Variants in TRHDE observed in about 807,000 individuals in gnomAD.
The protein encoded by TRHDE is thyrotropin releasing hormone degrading enzyme.
A neutral mutation model predicts 125.7 loss-of-function variants in TRHDE; 72 were observed. That is an observed-to-expected ratio of 0.57 (90% CI 0.47 to 0.70). The LOEUF (loss-of-function observed/expected upper bound fraction) is 0.70. TRHDE is among the 30% of genes least tolerant of loss of function. The probability of loss-of-function intolerance (pLI) is 0.00; values close to 1 mark genes in which losing one functional copy is unlikely to be tolerated. For missense variants in TRHDE, 1,110 were observed against 1,327.1 expected, an observed-to-expected ratio of 0.84 and a Z score of 2.54; for synonymous variants, 509 against 509.1, an observed-to-expected ratio of 1.00 and a Z score of 0.00.
chr12:72,476,166 G>A (rs1045430584), intron 5 of TRHDE, among the ~76,000 whole-genome samples: 1 of 152,084 alleles, frequency 6.6e-6, no homozygotes, highest in African/African-American at 2.4e-5. Flanking sequence ...ATCCACCTGC[G>A]ACAGCCTGCC....
chr12:72,256,542 C>T (rs1373556631), intron 2 of TRHDE: 1 of 152,080 alleles, frequency 6.6e-6, no homozygotes, highest in Non-Finnish European at 1.5e-5. Context: ...AATGCAAGTT[C>T]CACAAGATCA....
chr12:72,381,395 GTTTT>G (rs61184961), intron 3 of TRHDE, among the ~76,000 whole-genome samples: 2 of 137,966 alleles, frequency 1.4e-5, no homozygotes, highest in Admixed American at 7.3e-5. Flanking sequence ...AGATACGAAA[GTTTT>G]TTTTTTTTTT....
intron 12 of TRHDE, among the ~76,000 whole-genome samples, chr12:72,608,728 C>A (rs1011655451): frequency 1.3e-5 from 2 of 152,136 alleles, no homozygotes; most frequent in African/African-American, 4.8e-5. Context: ...ATGCTTTTCT[C>A]ATAAGGCCAT....
At chr12:72,471,127 CT>C (rs537661054) in intron 4 of TRHDE, among the ~76,000 whole-genome samples, 15 of 152,188 alleles carry the variant, frequency 9.9e-5, no homozygotes, top group Admixed American at 8.5e-4. Flanking sequence ...ATCCACCCCC[CT>C]CGACCTCCCA....
chr12:72,124,123 T>C (rs1875657785), intron 2 of TRHDE, among the ~76,000 whole-genome samples: 1 of 152,180 alleles, frequency 6.6e-6, no homozygotes, highest in Non-Finnish European at 1.5e-5. Context: ...TTAGCCTCCA[T>C]ACATCTAATT....
chr12:72,328,032 G>C (rs1869418838), intron 2 of TRHDE, among the ~76,000 whole-genome samples: 1 of 152,118 alleles, frequency 6.6e-6, no homozygotes, highest in Non-Finnish European at 1.5e-5. Context: ...CTGACATGCA[G>C]TGTAAATGGC....
At chr12:72,399,744 T>A (rs183712001) in intron 3 of TRHDE, among the ~76,000 whole-genome samples, 73 of 152,292 alleles carry the variant, frequency 4.8e-4, no homozygotes, top group Non-Finnish European at 6.2e-4. Context: ...TTGTTGTTTT[T>A]TTCGTTCTGA....
At chr12:72,576,427 C>T (rs1270094252) in intron 12 of TRHDE, among the ~76,000 whole-genome samples, 1 of 151,988 alleles carries the variant, frequency 6.6e-6, no homozygotes. Context: ...TTTATGTATT[C>T]AATCAAAATT....
intron 4 of TRHDE, among the ~76,000 whole-genome samples, chr12:72,471,456 C>T (rs1054357397): frequency 1.3e-5 from 2 of 152,118 alleles, no homozygotes; most frequent in Admixed American, 6.5e-5. Context: ...TGTAATTGTT[C>T]GGAGAACTGG....
chr12:72,394,605 T>C (rs1004161411), intron 3 of TRHDE, among the ~76,000 whole-genome samples: 2 of 152,182 alleles, frequency 1.3e-5, no homozygotes, highest in Non-Finnish European at 2.9e-5. Flanking sequence ...CCTTAACTTC[T>C]ATAAATGTTT....
At chr12:72,304,715 C>G (rs1045511584) in intron 2 of TRHDE, among the ~76,000 whole-genome samples, 5 of 152,176 alleles carry the variant, frequency 3.3e-5, no homozygotes, top group African/African-American at 1.2e-4. Context: ...GATGGTTACT[C>G]TCATCTGAAA....
At chr12:72,326,401 G>A (rs1182987184) in intron 2 of TRHDE, among the ~76,000 whole-genome samples, 1 of 152,032 alleles carries the variant, frequency 6.6e-6, no homozygotes, top group African/African-American at 2.4e-5. Flanking sequence ...GCCTGTTGAG[G>A]GGCGCGGGGC....
chr12:72,174,298 T>A (rs2139337246), intron 2 of TRHDE, among the ~76,000 whole-genome samples: 1 of 152,290 alleles, frequency 6.6e-6, no homozygotes, highest in East Asian at 1.9e-4. Context: ...ACTAGCCAAT[T>A]CATAGAACCA....
chr12:72,499,718 C>CT (rs1878069189), intron 6 of TRHDE, 83 bp downstream of exon 6: 2 of 1,502,646 alleles, frequency 1.3e-6, no homozygotes, highest in Non-Finnish European at 1.8e-6. Context: ...ATGTATTTTT[C>CT]TTTTTTTCCG....
chr12:72,355,807 A>G (rs1870790356), intron 2 of TRHDE, among the ~76,000 whole-genome samples: 1 of 151,830 alleles, frequency 6.6e-6, no homozygotes, highest in South Asian at 2.1e-4. Flanking sequence ...AATAAGCTCA[A>G]TATCATTGAT....
intron 2 of TRHDE, among the ~76,000 whole-genome samples, chr12:72,364,753 C>T (rs1306597041): frequency 2.6e-5 from 4 of 152,004 alleles, no homozygotes; most frequent in Non-Finnish European, 5.9e-5. Flanking sequence ...CAGCAGGCAG[C>T]TGGGAATCAA....
chr12:72,193,783 T>G (rs2139350339), intron 2 of TRHDE, among the ~76,000 whole-genome samples: 1 of 152,222 alleles, frequency 6.6e-6, no homozygotes, highest in East Asian at 1.9e-4. Flanking sequence ...TAAAGAGATA[T>G]GTTTTCTCAG....
At chr12:72,635,599 A>T (rs1017305709) in intron 15 of TRHDE, among the ~76,000 whole-genome samples, 3 of 151,898 alleles carry the variant, frequency 2.0e-5, no homozygotes, top group Admixed American at 6.6e-5. Flanking sequence ...CTGAATGGTA[A>T]TGCCTAGGTT....
At chr12:72,509,010 CTG>C (rs1198326376) in intron 6 of TRHDE, among the ~76,000 whole-genome samples, 1 of 152,124 alleles carries the variant, frequency 6.6e-6, no homozygotes, top group African/African-American at 2.4e-5. Context: ...GCCTATGGAA[CTG>C]TGAGCCAATT....
Sources: gnomAD v4.1 joint callset for allele counts (sites outside exome capture counted in the v4.1 genomes callset) on GRCh38, gnomAD v4.1.1 for gene constraint, MANE v1.5 for transcripts, NCBI Gene and HGNC (gene_info 2026-07-23, HGNC 2026-07-21) for gene names.